TDRD3: variants seen among roughly 807,000 people sequenced by gnomAD.
TDRD3 encodes tudor domain containing 3.
TDRD3 carries 45 observed loss-of-function variants against 86.7 expected under a neutral mutation model. That is an observed-to-expected ratio of 0.52 (90% CI 0.41 to 0.67). The LOEUF is 0.67. TDRD3 is among the 30% of genes least tolerant of loss of function. The pLI, the probability that TDRD3 is intolerant of heterozygous loss-of-function variation, is 0.00. For missense variants in TDRD3, 814 were observed against 889.0 expected, an observed-to-expected ratio of 0.92 and a Z score of 1.07; for synonymous variants, 298 against 301.7, an observed-to-expected ratio of 0.99 and a Z score of 0.13.
At chr13:60,474,885 G>GTT (rs34490147) in intron 5 of TDRD3, among the ~76,000 whole-genome samples, 22 of 147,964 alleles carry the variant, frequency 1.5e-4, no homozygotes, top group Non-Finnish European at 2.4e-4. Context: ...TTGTCAGAAT[G>GTT]TTTTTTTTTT....
intron 12 of TDRD3, among the ~76,000 whole-genome samples, chr13:60,548,266 C>G (rs1957976214): frequency 6.6e-6 from 1 of 152,124 alleles, no homozygotes; most frequent in Non-Finnish European, 1.5e-5. Flanking sequence ...ACTTAAAATG[C>G]TATCTTTATT....
intron 12 of TDRD3, among the ~76,000 whole-genome samples, chr13:60,546,094 T>C (rs1388889622): frequency 6.6e-6 from 1 of 152,132 alleles, no homozygotes; most frequent in Non-Finnish European, 1.5e-5. Flanking sequence ...TCTAAAAGCT[T>C]TGGGCACAAA....
intron 8 of TDRD3, among the ~76,000 whole-genome samples, chr13:60,498,681 G>A (rs1455324888): frequency 6.6e-6 from 1 of 152,018 alleles, no homozygotes; most frequent in Non-Finnish European, 1.5e-5. Context: ...GTCCCCTTGA[G>A]GAAAGACCCC....
chr13:60,404,436 A>G (rs1419751924), intron 1 of TDRD3, among the ~76,000 whole-genome samples: 2 of 144,410 alleles, frequency 1.4e-5, no homozygotes, highest in South Asian at 2.2e-4. Context: ...TCAGCCTCCC[A>G]AGTAGCTGGG....
chr13:60,480,328 C>T (rs944284148), intron 5 of TDRD3, among the ~76,000 whole-genome samples: 2 of 152,188 alleles, frequency 1.3e-5, no homozygotes, highest in African/African-American at 2.4e-5. Flanking sequence ...GCCCCACTCT[C>T]TTTTGGCTTG....
intron 10 of TDRD3, among the ~76,000 whole-genome samples, chr13:60,514,993 G>A (rs959539110): frequency 3.9e-5 from 6 of 152,158 alleles, no homozygotes; most frequent in African/African-American, 1.4e-4. Flanking sequence ...GAAGTAGATT[G>A]ATTTTGTACC....
intron 5 of TDRD3, among the ~76,000 whole-genome samples, chr13:60,478,582 G>A (rs1050945118): frequency 6.6e-6 from 1 of 152,008 alleles, no homozygotes; most frequent in African/African-American, 2.4e-5. Context: ...TGGGATTACA[G>A]GCATGAGCTA....
chr13:60,441,106 A>G (rs1555273479), intron 2 of TDRD3, among the ~76,000 whole-genome samples: 1 of 152,112 alleles, frequency 6.6e-6, no homozygotes, highest in Non-Finnish European at 1.5e-5. Flanking sequence ...TAAAAGACTA[A>G]TTTTTTAATA....
intron 7 of TDRD3, among the ~76,000 whole-genome samples, chr13:60,490,050 G>GTTTTTTT (rs11397531): frequency 9.0e-6 from 1 of 111,040 alleles, no homozygotes; most frequent in African/African-American, 3.5e-5. Context: ...AAGCATCTTA[G>GTTTTTTT]TTTTTTTTTT....
At chr13:60,415,203 T>C (rs192493369) in intron 1 of TDRD3, among the ~76,000 whole-genome samples, 2 of 152,190 alleles carry the variant, frequency 1.3e-5, no homozygotes, top group Non-Finnish European at 1.5e-5. Context: ...TGAGATCCTG[T>C]TTTACAATAT....
chr13:60,439,796 A>G, intron 2 of TDRD3, 24 bp downstream of exon 2: 2 of 1,438,296 alleles, frequency 1.4e-6, no homozygotes, highest in South Asian at 1.5e-5. Context: ...ATTAACTTGT[A>G]AACATTTGAA....
Position 60,529,088 on chromosome 13 carries a change from T to C in TDRD3, c.1863T>C (p.Asn621=). ...AVPCDDKIFY[N]SGPKRRSGPI... ...CCTGTGATGATAAAATATTTTACAA[T>C]AGTGGGCCCAAACGAAGATCTGGGC... The change falls in exon 11 of 14, where the codon AAT becomes AAC. Residue 621 remains asparagine, a synonymous_variant. Coordinates refer to ENST00000377881, the MANE Select transcript of TDRD3 (RefSeq NM_001146070.2). 6.2e-7 allele frequency: 1 copy of C among 1,613,954 alleles called. No homozygotes were observed. Among genetic ancestry groups the C allele is most frequent in the Middle Eastern group, 1.7e-4 (1 of 6,060 alleles).
At chr13:60,516,030 T>G (rs182293307) in intron 10 of TDRD3, among the ~76,000 whole-genome samples, 91 of 152,322 alleles carry the variant, frequency 6.0e-4, no homozygotes, top group Middle Eastern at 6.8e-3. Context: ...ATTAGCAGCA[T>G]CATTTATTTG....
At chr13:60,432,926 A>G (rs529611037) in intron 1 of TDRD3, among the ~76,000 whole-genome samples, 6 of 152,102 alleles carry the variant, frequency 3.9e-5, no homozygotes, top group Non-Finnish European at 7.4e-5. Flanking sequence ...GCAGATAATC[A>G]GGTGTAGGTT....
At chr13:60,467,496 A>G (rs1955973113) in intron 5 of TDRD3, 117 bp downstream of exon 5, 3 of 1,121,252 alleles carry the variant, frequency 2.7e-6, no homozygotes, top group Admixed American at 2.5e-5. Context: ...ATAGAATGGA[A>G]TATGATTATC....
In TDRD3 at chr13:60,467,438, A is replaced by G. The variant is rs79153841; in HGVS notation, c.495+59A>G. Reference sequence around the variant, plus strand: ...ATTACACTCTTTTTTATTGCATTAAAGAGCTCTTTCAATAATGAGTAAAAT... The same window carrying G: ...ATTACACTCTTTTTTATTGCATTAAGGAGCTCTTTCAATAATGAGTAAAAT... On this transcript the variant is annotated intron_variant, in intron 5 of 13. Coordinates refer to ENST00000377881, the MANE Select transcript of TDRD3 (RefSeq NM_001146070.2). The G allele has an allele frequency of 4.4e-4, 693 of 1,578,280 alleles. 2 individuals are homozygous for G. The African/African-American group carries it at 8.0e-3, about 18-fold the overall frequency.
intron 1 of TDRD3, among the ~76,000 whole-genome samples, chr13:60,424,212 G>A (rs1331716473): frequency 1.3e-5 from 2 of 151,826 alleles, no homozygotes; most frequent in Non-Finnish European, 2.9e-5. Flanking sequence ...TGGTGGAGAC[G>A]GGGTTTCACT....
At chr13:60,530,632 T>G (rs1957562326) in intron 11 of TDRD3, among the ~76,000 whole-genome samples, 1 of 151,376 alleles carries the variant, frequency 6.6e-6, no homozygotes, top group South Asian at 2.1e-4. Context: ...TTTTTTTTTT[T>G]TAAGTAGAGA....
At chr13:60,507,450 C>T (rs1479866086) in intron 8 of TDRD3, among the ~76,000 whole-genome samples, 1 of 152,114 alleles carries the variant, frequency 6.6e-6, no homozygotes, top group African/African-American at 2.4e-5. Context: ...AAGTAAAACA[C>T]TCCTCAGCAA....
Sources: gnomAD v4.1 joint callset for allele counts (sites outside exome capture counted in the v4.1 genomes callset) on GRCh38, gnomAD v4.1.1 for gene constraint, MANE v1.5 for transcripts, NCBI Gene and HGNC (gene_info 2026-07-23, HGNC 2026-07-21) for gene names.